COL6A5: variants seen among roughly 807,000 people sequenced by gnomAD.
COL6A5 encodes the protein collagen type VI alpha 5 chain, also known as collagen alpha-5(VI) chain.
Under a neutral mutation model 65.6 loss-of-function variants are expected in COL6A5, and 48 were observed. The ratio of observed to expected loss-of-function variants is 0.73; its 90% CI spans 0.58 to 0.93. The LOEUF (loss-of-function observed/expected upper bound fraction) is 0.93, where lower values mean the gene tolerates loss of function less well. Ranked by LOEUF, COL6A5 falls within the 40% of genes least tolerant of loss-of-function variation. The pLI is 0.00. For missense variants in COL6A5, 914 were observed against 928.3 expected (o/e 0.98, Z 0.20); for synonymous variants, 291 against 322.8 (o/e 0.90, Z 1.05).
chr3:130,358,455 A>G (rs1374283090), intron 1 of COL6A5, among the ~76,000 whole-genome samples: 1 of 152,202 alleles, frequency 6.6e-6, no homozygotes, highest in Non-Finnish European at 1.5e-5. Flanking sequence ...TACAATAGCA[A>G]CAAATATAAA....
At position 130,366,553 on chromosome 3, in the gene COL6A5, C is replaced by T. The variant is rs182488861; in HGVS notation, c.-28-7058C>T. Among the ~76,000 whole-genome samples, 61 of 152,336 alleles carry T rather than the reference C, an allele frequency of 4.0e-4. 1 individual carries two copies. Among genetic ancestry groups the T allele is most frequent in the Admixed American group, 7.2e-4 (11 of 15,306 alleles). ...TACAGAAGCAAGTCTCAGAGAGGAG[C>T]TCATGGTTTGAATTATGAGTTCTGA... On this transcript the variant is annotated intron_variant and NMD_transcript_variant, in intron 1 of 41. Transcript: ENST00000312481.
intron 5 of COL6A5, among the ~76,000 whole-genome samples, chr3:130,459,432 C>T (rs189687040): frequency 7.9e-4 from 120 of 152,186 alleles, no homozygotes; most frequent in African/African-American, 2.8e-3. Flanking sequence ...CACCTGGGAG[C>T]AGCTCTACCC....
exon 5 of COL6A5, chr3:130,385,335 A>C (rs1448455631): frequency 6.5e-7 from 1 of 1,550,194 alleles, no homozygotes; most frequent in Non-Finnish European, 8.7e-7. Context: ...ATAAAAAATG[A>C]AGTCGTTCGT....
intron 17 of COL6A5, 76 bp from the exon 18 acceptor site, chr3:130,409,250 A>T: frequency 9.0e-7 from 1 of 1,114,448 alleles, no homozygotes; most frequent in Non-Finnish European, 1.3e-6. Context: ...ACCCCCCTAC[A>T]TACAAAACTT....
Position 130,395,175 on chromosome 3 carries a change from A to T in COL6A5, c.3278A>T (p.Asn1093Ile), listed in dbSNP as rs750186742. The T allele has an allele frequency of 6.4e-6, 10 of 1,551,566 alleles. No homozygotes were observed. The East Asian group carries it at 9.8e-5, about 15-fold the overall frequency. Residue 1093 changes from asparagine to isoleucine, a missense_variant and NMD_transcript_variant, in exon 8 of 42, where the codon AAT becomes ATT. Coordinates refer to the COL6A5 transcript ENST00000312481. ...GACTTTGCCCTTAAAAAAGTGAGCAATATGTTTAATCTACATGCTGGTGGG... is the reference window on the plus strand; with the variant it reads ...GACTTTGCCCTTAAAAAAGTGAGCATTATGTTTAATCTACATGCTGGTGGG...
intron 5 of COL6A5, among the ~76,000 whole-genome samples, chr3:130,386,798 G>A (rs112742739): frequency 2.1e-4 from 32 of 152,084 alleles, no homozygotes; most frequent in African/African-American, 7.2e-4. Context: ...CATGCCTGGA[G>A]GAGGAGATAA....
At chr3:130,464,651 T>C (rs1287112402) in intron 5 of COL6A5, among the ~76,000 whole-genome samples, 2 of 152,072 alleles carry the variant, frequency 1.3e-5, no homozygotes, top group African/African-American at 2.4e-5. Context: ...GAAGTGTTTT[T>C]GGTGGTGATG....
exon 3 of COL6A5, chr3:130,440,363 G>A (rs1445710826): frequency 1.2e-6 from 2 of 1,613,484 alleles, no homozygotes; most frequent in South Asian, 1.1e-5. Flanking sequence ...TGATAGGATT[G>A]CTTTGTTGAG....
intron 7 of COL6A5, among the ~76,000 whole-genome samples, chr3:130,474,648 C>T (rs2107620395): frequency 6.6e-6 from 1 of 152,004 alleles, no homozygotes; most frequent in East Asian, 1.9e-4. Flanking sequence ...GTAAAAAATA[C>T]AATATCTAAA....
intron 10 of COL6A5, 107 bp from the exon 11 acceptor site, chr3:130,400,924 C>T: frequency 2.2e-6 from 2 of 929,000 alleles, no homozygotes; most frequent in South Asian, 2.4e-5. Context: ...TGTTTTTTTC[C>T]CCTTTTCAAT....
rs1577412791 is a variant in COL6A5 at position 130,347,770 on chromosome 3, G to C, written c.-29+1789G>C. Reference sequence around the variant, plus strand: ...AGAGTGGAGGGCACAAATTCACTTGGAATGTGTACTTTTCTTGGTATTGCA... The same window carrying C: ...AGAGTGGAGGGCACAAATTCACTTGCAATGTGTACTTTTCTTGGTATTGCA... On this transcript the variant is annotated intron_variant and NMD_transcript_variant, in intron 1 of 41. Transcript: ENST00000312481. Among the ~76,000 whole-genome samples the C allele has an allele frequency of 3.3e-5, 5 of 152,252 alleles. No individual in the cohort carries two copies. The East Asian group carries it at 9.7e-4, about 29-fold the overall frequency.
chr3:130,405,912 G>A (rs1209496680), intron 14 of COL6A5, 81 bp from the exon 15 acceptor site: 7 of 1,339,886 alleles, frequency 5.2e-6, no homozygotes, highest in African/African-American at 4.3e-5. Context: ...AGAAATACAT[G>A]CTCACTCACT....
intron 4 of COL6A5, among the ~76,000 whole-genome samples, chr3:130,382,711 A>G (rs763289474): frequency 1.3e-5 from 2 of 152,104 alleles, no homozygotes; most frequent in African/African-American, 2.4e-5. Flanking sequence ...AACAATCTAT[A>G]TCTGGCTTAG....
chr3:130,422,654 G>A, intron 27 of COL6A5, 66 bp from the exon 28 acceptor site: 1 of 935,922 alleles, frequency 1.1e-6, no homozygotes, highest in Non-Finnish European at 1.6e-6. Context: ...AGTCCAGAGA[G>A]TTTTTTTTTT....
chr3:130,398,485 A>T (rs2107661361), intron 10 of COL6A5, among the ~76,000 whole-genome samples: 1 of 152,220 alleles, frequency 6.6e-6, no homozygotes, highest in South Asian at 2.1e-4. Flanking sequence ...CTCTACCTTT[A>T]CTCAGATGCT....
intron 4 of COL6A5, among the ~76,000 whole-genome samples, chr3:130,450,909 G>A (rs1197739741): frequency 2.0e-5 from 3 of 152,076 alleles, no homozygotes; most frequent in Non-Finnish European, 4.4e-5. Context: ...TGAGTAATTA[G>A]AATGCCATTA....
chr3:130,410,648 C>A, intron 20 of COL6A5, 124 bp downstream of exon 20: 1 of 751,842 alleles, frequency 1.3e-6, no homozygotes, highest in Non-Finnish European at 2.2e-6. Flanking sequence ...GCTTCTCCAT[C>A]TTGACACTAC....
At chr3:130,401,080 G>GT (rs763935632) in exon 11 of COL6A5, 30 of 1,551,122 alleles carry the variant, frequency 1.9e-5, no homozygotes, top group Non-Finnish European at 2.4e-5. Flanking sequence ...CTCATCATGA[G>GT]TTTTCTAGCT....
intron 4 of COL6A5, among the ~76,000 whole-genome samples, chr3:130,452,444 A>T (rs950278978): frequency 2.6e-5 from 4 of 152,204 alleles, no homozygotes; most frequent in Non-Finnish European, 5.9e-5. Flanking sequence ...AAAGCTGGGC[A>T]TCCGGGGGAG....
Sources: gnomAD v4.1 joint callset for allele counts (sites outside exome capture counted in the v4.1 genomes callset) on GRCh38, gnomAD v4.1.1 for gene constraint, MANE v1.5 for transcripts, NCBI Gene and HGNC (gene_info 2026-07-23, HGNC 2026-07-21) for gene names.